RYR3: variants seen among roughly 807,000 people sequenced by gnomAD.
The protein encoded by RYR3 is brain ryanodine receptor-calcium release channel.
A neutral mutation model predicts 584.3 loss-of-function variants in RYR3; 207 were observed. That is an observed-to-expected ratio of 0.35 (90% CI 0.32 to 0.40). The LOEUF (loss-of-function observed/expected upper bound fraction) is 0.40, where lower values mean the gene tolerates loss of function less well. Ranked by LOEUF, RYR3 falls within the 10% of genes least tolerant of loss-of-function variation. The pLI is 1.00. For synonymous variants in RYR3, 2,416 were observed against 2,248.5 expected (o/e 1.07, Z -2.11); for missense variants, 5,616 against 6,089.2 (o/e 0.92, Z 2.59).
intron 1 of RYR3, among the ~76,000 whole-genome samples, chr15:33,408,787 AT>A (rs2043193258): frequency 6.6e-6 from 1 of 152,188 alleles, no homozygotes; most frequent in African/African-American, 2.4e-5. Context: ...GCCATCCTGT[AT>A]TTTATCTGGC....
chr15:33,456,260 G>T (rs879375634), intron 1 of RYR3, among the ~76,000 whole-genome samples: 1 of 152,134 alleles, frequency 6.6e-6, no homozygotes, highest in Non-Finnish European at 1.5e-5. Context: ...TGCTTGGAAT[G>T]CTCCAGGCTG....
intron 1 of RYR3, among the ~76,000 whole-genome samples, chr15:33,425,760 G>C (rs1278554985): frequency 6.7e-6 from 1 of 149,568 alleles, no homozygotes; most frequent in Non-Finnish European, 1.5e-5. Flanking sequence ...TCCTGCCTCA[G>C]CCTCCCGAGT....
At chr15:33,704,005 C>G (rs1431933909) in intron 42 of RYR3, among the ~76,000 whole-genome samples, 3 of 152,130 alleles carry the variant, frequency 2.0e-5, no homozygotes, top group Non-Finnish European at 4.4e-5. Context: ...CATGGTGGCT[C>G]ACGCCTGTAA....
chr15:33,637,015 A>G (rs1461385853), intron 27 of RYR3, among the ~76,000 whole-genome samples: 2 of 152,254 alleles, frequency 1.3e-5, no homozygotes, highest in East Asian at 3.8e-4. Flanking sequence ...AGATTTAGCT[A>G]TTTCCTTGAA....
At chr15:33,794,578 G>A (rs939840403) in intron 67 of RYR3, among the ~76,000 whole-genome samples, 2 of 151,808 alleles carry the variant, frequency 1.3e-5, no homozygotes, top group African/African-American at 4.8e-5. Context: ...CACTATTGAC[G>A]ATCAAGACTC....
intron 2 of RYR3, among the ~76,000 whole-genome samples, chr15:33,486,939 G>A (rs1207743257): frequency 6.6e-6 from 1 of 152,090 alleles, no homozygotes; most frequent in African/African-American, 2.4e-5. Context: ...GGTCATGACT[G>A]TAATCCCAGG....
At chr15:33,409,495 TCAGGCTCCAC>T (rs935866147) in intron 1 of RYR3, among the ~76,000 whole-genome samples, 1 of 152,168 alleles carries the variant, frequency 6.6e-6, no homozygotes. Context: ...TCTCTTCACC[TCAGGCTCCAC>T]CTGGGTTTCT....
chr15:33,862,089 T>C (rs931828720), intron 102 of RYR3, among the ~76,000 whole-genome samples: 2 of 152,082 alleles, frequency 1.3e-5, no homozygotes, highest in Non-Finnish European at 2.9e-5. Context: ...ATAGAGTGTA[T>C]AGATTTTATT....
chr15:33,429,502 T>C (rs1596094209), intron 1 of RYR3, among the ~76,000 whole-genome samples: 1 of 152,324 alleles, frequency 6.6e-6, no homozygotes, highest in East Asian at 1.9e-4. Flanking sequence ...CAGACGCTGA[T>C]GATCGGATTT....
At chr15:33,850,806 T>C (rs913250639) in intron 94 of RYR3, 1 of 152,210 alleles carries the variant, frequency 6.6e-6, no homozygotes, top group African/African-American at 2.4e-5. Context: ...TCCCTGATTA[T>C]ATCTTCCCAA....
intron 1 of RYR3, among the ~76,000 whole-genome samples, chr15:33,321,780 GT>G (rs1485925738): frequency 6.6e-6 from 1 of 152,222 alleles, no homozygotes; most frequent in Non-Finnish European, 1.5e-5. Context: ...AGAAAGGAGA[GT>G]TCCGGTGCTG....
At position 33,746,172 on chromosome 15, in the gene RYR3, T is replaced by C; in HGVS notation, c.7989+15T>C. 1 of 1,540,144 alleles carries C rather than the reference T, an allele frequency of 6.5e-7. No homozygotes were observed. Among genetic ancestry groups the C allele is most frequent in the Non-Finnish European group, 8.9e-7 (1 of 1,126,416 alleles). ...TAACGGAGAAGGTAAGAAGCAGGCC[T>C]CTGGTAACACTGTGTGACCATGCTG... is the stretch of plus-strand genomic sequence containing the variant. On this transcript the variant is annotated intron_variant, in intron 53 of 103. Transcript: ENST00000634891.
intron 43 of RYR3, among the ~76,000 whole-genome samples, chr15:33,709,125 G>T (rs1350261887): frequency 6.6e-6 from 1 of 152,180 alleles, no homozygotes; most frequent in Non-Finnish European, 1.5e-5. Context: ...GAAATTTAGA[G>T]CTCATATCTA....
At chr15:33,454,597 G>A (rs1596214562) in intron 1 of RYR3, among the ~76,000 whole-genome samples, 1 of 152,178 alleles carries the variant, frequency 6.6e-6, no homozygotes, top group East Asian at 1.9e-4. Context: ...AGCGGTTAAG[G>A]TAAAAGGTAA....
At chr15:33,703,491 T>C (rs981246386) in intron 42 of RYR3, among the ~76,000 whole-genome samples, 1 of 152,218 alleles carries the variant, frequency 6.6e-6, no homozygotes, top group African/African-American at 2.4e-5. Context: ...ACGTAGTCTT[T>C]TCTTTGTGTG....
intron 1 of RYR3, among the ~76,000 whole-genome samples, chr15:33,326,403 G>A (rs1207623427): frequency 3.3e-5 from 5 of 152,178 alleles, no homozygotes; most frequent in Admixed American, 2.0e-4. Context: ...CATTTTCAAG[G>A]ATCTTAAAGT....
Position 33,646,366 on chromosome 15 carries a change from G to A in RYR3, c.3781G>A (p.Gly1261Ser). The change falls in exon 29 of 104, where the codon GGC becomes AGC. Residue 1261 changes from glycine (G) to serine (S), a missense_variant. This residue lies in a region of RYR3 where 753 missense variants were observed against 741.0 expected (regional missense o/e 1.02). Coordinates refer to ENST00000634891, the MANE Select transcript of RYR3 (RefSeq NM_001036.6). ...HPHIEVMRIDGTMDSPPCLKV... is the reference protein window; with the variant it reads ...HPHIEVMRIDSTMDSPPCLKV... ...CTGTTTCCAGGTCATGAGGATTGAT[G>A]GCACCATGGACAGCCCTCCGTGTCT... 1 of 1,608,020 alleles carries A rather than the reference G, an allele frequency of 6.2e-7. No homozygotes were observed. The highest frequency in any genetic ancestry group is 8.5e-7 in the Non-Finnish European group (1 of 1,175,658).
In RYR3 at chr15:33,848,365, A is replaced by G. The variant is rs756633807; in HGVS notation, c.13572A>G (p.Glu4524=). ...AGTTTGATGGCCTATATATCACCGA[A>G]CAGCCATCTGAAGATGACATCAAGG... ...KLEFDGLYIT[E]QPSEDDIKGQ... is the part of the protein sequence containing the mutation. Residue 4524 remains glutamate (E), a synonymous_variant, in exon 94 of 104, where the codon GAA becomes GAG. Transcript: ENST00000634891. 7 of 1,613,688 alleles carry G rather than the reference A, an allele frequency of 4.3e-6. No homozygotes were observed. Among genetic ancestry groups the G allele is most frequent in the Non-Finnish European group, 5.9e-6 (7 of 1,179,898 alleles).
At position 33,464,230 on chromosome 15, in the gene RYR3, T is replaced by C. The variant is rs193033043; in HGVS notation, c.52-9189T>C. On this transcript the variant is annotated intron_variant, in intron 1 of 103. Transcript: ENST00000634891. The stretch of plus-strand genomic sequence containing the variant: ...AAAATGGAGCTATAATTTTATATGG[T>C]GTGATCAAGGAAGGCCTTTCTGACA... Among the ~76,000 whole-genome samples the C allele has an allele frequency of 1.8e-4, 28 of 151,834 alleles. 1 individual carries two copies. The highest frequency in any genetic ancestry group is 1.8e-3 in the Admixed American group (28 of 15,258).
Sources: gnomAD v4.1 joint callset for allele counts (sites outside exome capture counted in the v4.1 genomes callset) on GRCh38, gnomAD v4.1.1 for gene constraint, gnomAD v4.1.1 regional missense constraint, MANE v1.5 for transcripts, NCBI Gene and HGNC (gene_info 2026-07-23, HGNC 2026-07-21) for gene names.